The following QRFPR variants were observed in gnomAD, a reference collection of about 807,000 sequenced individuals.
QRFPR encodes the protein pyroglutamylated RF-amide peptide receptor.
A neutral mutation model predicts 31.3 loss-of-function variants in QRFPR; 37 were observed. The observed-to-expected ratio is 1.18, with a 90% CI of 0.91 to 1.56. The LOEUF (loss-of-function observed/expected upper bound fraction) is 1.56, where lower values mean the gene tolerates loss of function less well. Among genes scored for constraint, QRFPR ranks in the 40% most tolerant of loss-of-function variants. The pLI is 0.00. For missense variants in QRFPR, 542 were observed against 532.5 expected, an observed-to-expected ratio of 1.02 and a Z score of -0.18; for synonymous variants, 197 against 192.0, an observed-to-expected ratio of 1.03 and a Z score of -0.22.
chr4:121,351,784 G>T (rs571000961), intron 1 of QRFPR, among the ~76,000 whole-genome samples: 216 of 151,362 alleles, frequency 1.4e-3, no homozygotes, highest in African/African-American at 5.1e-3. Context: ...GAGTACTTAT[G>T]TAATTTATGT....
At chr4:121,374,153 A>T (rs1215674248) in intron 1 of QRFPR, among the ~76,000 whole-genome samples, 1 of 152,114 alleles carries the variant, frequency 6.6e-6, no homozygotes, top group East Asian at 1.9e-4. Flanking sequence ...ACCATTTTTG[A>T]ATCCTTTCCA....
intron 1 of QRFPR, among the ~76,000 whole-genome samples, chr4:121,372,937 A>T (rs973942207): frequency 5.9e-5 from 9 of 152,202 alleles, no homozygotes; most frequent in African/African-American, 2.2e-4. Flanking sequence ...ATGAAACCAC[A>T]ACACAGAGGG....
chr4:121,375,520 A>C (rs1156449450), intron 1 of QRFPR, among the ~76,000 whole-genome samples: 1 of 152,238 alleles, frequency 6.6e-6, no homozygotes, highest in East Asian at 1.9e-4. Flanking sequence ...ATAATACTTT[A>C]GACTTTGGGC....
chr4:121,337,539 G>A (rs1425403642), intron 2 of QRFPR, among the ~76,000 whole-genome samples: 1 of 152,094 alleles, frequency 6.6e-6, no homozygotes, highest in Non-Finnish European at 1.5e-5. Flanking sequence ...GCCCTCTGTA[G>A]GAGCTGATCC....
At chr4:121,380,011 C>T (rs1413117179) in intron 1 of QRFPR, among the ~76,000 whole-genome samples, 1 of 151,868 alleles carries the variant, frequency 6.6e-6, no homozygotes, top group Non-Finnish European at 1.5e-5. Flanking sequence ...GAAGCTTTTC[C>T]CCAACCTATG....
intron 1 of QRFPR, among the ~76,000 whole-genome samples, chr4:121,351,045 G>A (rs535012901): frequency 3.3e-5 from 5 of 152,170 alleles, no homozygotes; most frequent in African/African-American, 1.2e-4. Context: ...CATGGCATAC[G>A]TTTACCTGTG....
Position 121,380,931 on chromosome 4 carries a change from T to G in QRFPR, c.-284A>C. The G allele has an allele frequency of 2.6e-6, 1 of 390,198 alleles. No homozygotes were observed. Among genetic ancestry groups the G allele is most frequent in the Non-Finnish European group, 4.6e-6 (1 of 218,514 alleles). The allele number at this position is 390,198 out of a possible 1,614,324, so 24.2% of individuals were successfully genotyped here. A position where few individuals can be genotyped will look rare whatever the true frequency, so the allele number is the denominator to read the frequency against. ...TTCAAATAAAGTTCTTCCCTTGCTC[T>G]TCCCTAAGGCGAGGCGCCGCCACGG... On this transcript the variant is annotated 5_prime_UTR_variant, in exon 1 of 6. Transcript: ENST00000394427.
rs75088091 is a variant in QRFPR, at chr4:121,359,860, A to C, written c.341-19250T>G. On this transcript the variant is annotated intron_variant, in intron 1 of 5. Coordinates refer to ENST00000394427, the MANE Select transcript of QRFPR (RefSeq NM_198179.3). ...CCTATTAGTTCTGTTCCTCTAGGGA[A>C]CCCTGACTAATACGGCTTATTATCA... Among the ~76,000 whole-genome samples, 635 of 149,724 alleles carry C rather than the reference A, an allele frequency of 4.2e-3. 34 individuals carry two copies. The East Asian group carries it at 0.11, about 27-fold the overall frequency.
In QRFPR at chr4:121,380,649, G is replaced by C. The variant is rs372736283; in HGVS notation, c.-2C>G. ...CGGGGTAATGTTAAGCGCCTGCATT[G>C]CTGTGCGCTCCCGGGACGCGGGGCC... On this transcript the variant is annotated 5_prime_UTR_variant, in exon 1 of 6. Coordinates refer to ENST00000394427, the MANE Select transcript of QRFPR (RefSeq NM_198179.3). 4 of 1,522,442 alleles carry C rather than the reference G, an allele frequency of 2.6e-6. No homozygotes were observed. The highest frequency in any genetic ancestry group is 2.0e-5 in the Admixed American group (1 of 48,798). The allele number at this position is 1,522,442 out of a possible 1,614,324, so 94.3% of individuals were successfully genotyped here.
intron 1 of QRFPR, chr4:121,369,437 C>G: frequency 1.2e-6 from 1 of 858,356 alleles, no homozygotes; most frequent in Non-Finnish European, 1.9e-6. Context: ...GCTCTAGAAG[C>G]CAGTGGGTGT....
chr4:121,365,546 A>T lies in QRFPR; in HGVS notation c.340+14762T>A, dbSNP rs1301043251. 2.3e-4 allele frequency among the ~76,000 whole-genome samples: 2 copies of T among 8,586 alleles called. 1 individual carries two copies. The highest frequency in any genetic ancestry group is 1.8e-3 in the African/African-American group (2 of 1,106). 5.6% of individuals were successfully genotyped at this position (8,586 alleles called of 152,430 possible). On this transcript the variant is annotated intron_variant, in intron 1 of 5. Coordinates refer to ENST00000394427, the MANE Select transcript of QRFPR (RefSeq NM_198179.3). The stretch of plus-strand genomic sequence containing the variant: ...ATATATTATATATAATATATATTAT[A>T]TATAATATATAATATATATTATATA...
intron 1 of QRFPR, among the ~76,000 whole-genome samples, chr4:121,347,362 C>A (rs13110590): frequency 0.78 from 118,875 of 151,942 alleles, 48,814 homozygotes; most frequent in East Asian, 0.99. Flanking sequence ...TGCCTTATAC[C>A]GCTTTTCTTT....
intron 4 of QRFPR, among the ~76,000 whole-genome samples, chr4:121,331,330 C>T (rs892649251): frequency 4.0e-5 from 6 of 151,236 alleles, no homozygotes; most frequent in Admixed American, 4.0e-4. Context: ...ACCACAGGTG[C>T]ATGCCACTAC....
intron 1 of QRFPR, among the ~76,000 whole-genome samples, chr4:121,373,177 C>T (rs893681270): frequency 6.6e-6 from 1 of 152,208 alleles, no homozygotes; most frequent in African/African-American, 2.4e-5. Flanking sequence ...AAAGGGAATT[C>T]ATTTTATGCC....
chr4:121,370,145 G>A, intron 1 of QRFPR: 3 of 766,468 alleles, frequency 3.9e-6, no homozygotes, highest in East Asian at 2.4e-5. Flanking sequence ...CCACCTTGGT[G>A]AGGTGCTGAT....
At chr4:121,379,911 T>A (rs1240378998) in intron 1 of QRFPR, among the ~76,000 whole-genome samples, 1 of 152,096 alleles carries the variant, frequency 6.6e-6, no homozygotes. Context: ...GTAAGAAAAC[T>A]AGGGGAGAAA....
At chr4:121,355,314 A>T (rs1725845649) in intron 1 of QRFPR, among the ~76,000 whole-genome samples, 1 of 152,126 alleles carries the variant, frequency 6.6e-6, no homozygotes, top group Non-Finnish European at 1.5e-5. Flanking sequence ...ATAGGTGTCT[A>T]GGAATTTATC....
chr4:121,344,621 G>A (rs1053972795), intron 1 of QRFPR, among the ~76,000 whole-genome samples: 1 of 151,946 alleles, frequency 6.6e-6, no homozygotes, highest in Non-Finnish European at 1.5e-5. Flanking sequence ...CTTACTTATC[G>A]TGGATATTTA....
At chr4:121,337,239 C>T (rs775714793) in intron 2 of QRFPR, among the ~76,000 whole-genome samples, 6 of 152,136 alleles carry the variant, frequency 3.9e-5, no homozygotes, top group Admixed American at 6.6e-5. Context: ...TTTCAGTTTC[C>T]GTATCCCAGA....
Sources: gnomAD v4.1 joint callset for allele counts (sites outside exome capture counted in the v4.1 genomes callset) on GRCh38, gnomAD v4.1.1 for gene constraint, MANE v1.5 for transcripts, NCBI Gene and HGNC (gene_info 2026-07-23, HGNC 2026-07-21) for gene names.